SLC25A13: variants seen among roughly 807,000 people sequenced by gnomAD.
The protein encoded by SLC25A13 is solute carrier family 25 member 13.
Under a neutral mutation model 85.5 loss-of-function variants are expected in SLC25A13, and 70 were observed. That is an observed-to-expected ratio of 0.82 (90% CI 0.68 to 1.00). The LOEUF is 1.00. Among genes scored for constraint, SLC25A13 ranks in the 50% least tolerant of loss-of-function variants. SLC25A13 has a pLI of 0.00. For synonymous variants in SLC25A13, 259 were observed against 288.7 expected, an observed-to-expected ratio of 0.90 and a Z score of 1.04; for missense variants, 765 against 819.8, an observed-to-expected ratio of 0.93 and a Z score of 0.82.
chr7:96,180,466 G>A (rs1420100659), intron 11 of SLC25A13, among the ~76,000 whole-genome samples: 2 of 152,076 alleles, frequency 1.3e-5, no homozygotes, highest in South Asian at 2.1e-4. Flanking sequence ...CTGTAGCTGC[G>A]ATTACAGGCC....
At chr7:96,299,397 C>T (rs950559017) in intron 1 of SLC25A13, among the ~76,000 whole-genome samples, 6 of 152,190 alleles carry the variant, frequency 3.9e-5, no homozygotes, top group Non-Finnish European at 8.8e-5. Flanking sequence ...GTTTTCTAAG[C>T]AAGACTATTA....
chr7:96,271,488 T>C (rs992756648), intron 3 of SLC25A13, among the ~76,000 whole-genome samples: 2 of 152,108 alleles, frequency 1.3e-5, no homozygotes, highest in African/African-American at 4.8e-5. Flanking sequence ...ATACAAAATC[T>C]AAAAGAAAAT....
At chr7:96,172,952 G>C (rs1562814454) in intron 11 of SLC25A13, among the ~76,000 whole-genome samples, 1 of 152,252 alleles carries the variant, frequency 6.6e-6, no homozygotes, top group South Asian at 2.1e-4. Flanking sequence ...TAGAGATGGG[G>C]TTTCACCATG....
intron 3 of SLC25A13, 30 bp downstream of exon 3, chr7:96,277,166 A>C (rs1351123982): frequency 2.6e-6 from 4 of 1,529,294 alleles, no homozygotes; most frequent in Non-Finnish European, 3.5e-6. Flanking sequence ...AACAAAAAGA[A>C]TTAAATAAAA....
chr7:96,282,480 G>A (rs1798726936), intron 2 of SLC25A13, among the ~76,000 whole-genome samples: 1 of 152,116 alleles, frequency 6.6e-6, no homozygotes, highest in Non-Finnish European at 1.5e-5. Flanking sequence ...ACAGGTCACT[G>A]CATCTGCCCA....
At chr7:96,170,990 T>C (rs1043092568) in intron 12 of SLC25A13, among the ~76,000 whole-genome samples, 9 of 152,210 alleles carry the variant, frequency 5.9e-5, no homozygotes, top group African/African-American at 2.2e-4. Flanking sequence ...ACCCTAACCA[T>C]GAATCCTATA....
At chr7:96,208,505 CTTT>C (rs34151128) in intron 5 of SLC25A13, among the ~76,000 whole-genome samples, 60 of 139,706 alleles carry the variant, frequency 4.3e-4, no homozygotes, top group Admixed American at 4.1e-3. Context: ...ACCCTTTTAA[CTTT>C]TTTTTTTTTT....
At chr7:96,132,508 A>T (rs1792077606) in intron 14 of SLC25A13, among the ~76,000 whole-genome samples, 1 of 152,226 alleles carries the variant, frequency 6.6e-6, no homozygotes, top group Admixed American at 6.5e-5. Context: ...TAATTCGGAT[A>T]CATTTTAAAG....
At chr7:96,273,453 C>G (rs1798323502) in intron 3 of SLC25A13, among the ~76,000 whole-genome samples, 1 of 152,150 alleles carries the variant, frequency 6.6e-6, no homozygotes, top group Non-Finnish European at 1.5e-5. Flanking sequence ...TGATACTTGA[C>G]ATGATCATTA....
At position 96,208,974 on chromosome 7, in the gene SLC25A13, T is replaced by C. The variant is rs766809778; in HGVS notation, c.332A>G (p.Asp111Gly). 6 of 1,613,976 alleles carry C rather than the reference T, an allele frequency of 3.7e-6. No individual in the cohort carries two copies. The East Asian group carries it at 1.3e-4, about 36-fold the overall frequency. ...KAGKGEVTFE[D>G]VKQVFGQTTI... Reference sequence around the variant, plus strand: ...GGTCTGTCCAAAAACTTGCTTAACATCCTCTGAAAAGAGAAAAGACAGGTT... The same window carrying C: ...GGTCTGTCCAAAAACTTGCTTAACACCCTCTGAAAAGAGAAAAGACAGGTT... The change falls in exon 5 of 18, where the codon GAT becomes GGT. Residue 111 changes from aspartate to glycine, a missense_variant. Asp to Gly is a moderately conservative substitution (Grantham distance 94). Transcript: ENST00000265631.
chr7:96,315,575 G>A (rs1800098692), intron 1 of SLC25A13, among the ~76,000 whole-genome samples: 2 of 152,108 alleles, frequency 1.3e-5, no homozygotes, highest in African/African-American at 4.8e-5. Context: ...AAAGAGTAAA[G>A]ATCATTGTGT....
chr7:96,153,393 G>T (rs1462538676), intron 13 of SLC25A13, among the ~76,000 whole-genome samples: 2 of 152,244 alleles, frequency 1.3e-5, no homozygotes, highest in African/African-American at 4.8e-5. Context: ...TAACACAGAA[G>T]AGAAGATGAA....
chr7:96,303,438 C>T (rs1004580821), intron 1 of SLC25A13, among the ~76,000 whole-genome samples: 1 of 151,990 alleles, frequency 6.6e-6, no homozygotes, highest in Non-Finnish European at 1.5e-5. Context: ...TCTTTTGAAC[C>T]TGAGGAAATA....
chr7:96,140,992 T>C lies in SLC25A13; in HGVS notation c.1452+5564A>G, dbSNP rs1792532899. ...GTAGCACCAGCTGATGTCATATTAA[T>C]TTTGCGCATTCCTTTCTTTTTTCTT... On this transcript the variant is annotated intron_variant, in intron 14 of 17. Coordinates refer to ENST00000265631, the MANE Select transcript of SLC25A13 (RefSeq NM_014251.3). Among the ~76,000 whole-genome samples the C allele has an allele frequency of 2.0e-5, 3 of 151,446 alleles. No homozygotes were observed. In the South Asian group the frequency reaches 6.3e-4, roughly 32 times the overall value.
At chr7:96,204,875 A>T (rs564501663) in intron 5 of SLC25A13, among the ~76,000 whole-genome samples, 25 of 152,300 alleles carry the variant, frequency 1.6e-4, no homozygotes, top group Non-Finnish European at 2.8e-4. Context: ...TCATCATGAC[A>T]CACAAAAAAT....
intron 4 of SLC25A13, among the ~76,000 whole-genome samples, chr7:96,217,638 A>G (rs1795944793): frequency 6.6e-6 from 1 of 152,224 alleles, no homozygotes; most frequent in African/African-American, 2.4e-5. Context: ...ATGAAAGCCC[A>G]CATTTTATGA....
chr7:96,194,726 A>C (rs889277977), intron 5 of SLC25A13, among the ~76,000 whole-genome samples: 1 of 152,176 alleles, frequency 6.6e-6, no homozygotes, highest in African/African-American at 2.4e-5. Flanking sequence ...GAAATACAGT[A>C]TTTGCAATAA....
chr7:96,199,866 C>T (rs890180304), intron 5 of SLC25A13, among the ~76,000 whole-genome samples: 3 of 152,018 alleles, frequency 2.0e-5, no homozygotes, highest in Non-Finnish European at 4.4e-5. Context: ...TCTAATAGTT[C>T]CAGGCCTGTC....
At chr7:96,274,548 A>T (rs1798370871) in intron 3 of SLC25A13, among the ~76,000 whole-genome samples, 1 of 152,090 alleles carries the variant, frequency 6.6e-6, no homozygotes, top group African/African-American at 2.4e-5. Context: ...TTTTGTTGCC[A>T]TTGCTTTTGG....
Sources: gnomAD v4.1 joint callset for allele counts (sites outside exome capture counted in the v4.1 genomes callset) on GRCh38, gnomAD v4.1.1 for gene constraint, MANE v1.5 for transcripts, NCBI Gene and HGNC (gene_info 2026-07-23, HGNC 2026-07-21) for gene names.